Variants in NRG1 observed in about 807,000 individuals in gnomAD.
NRG1 encodes the protein pro-neuregulin-1, membrane-bound isoform.
Under a neutral mutation model 63.8 loss-of-function variants are expected in NRG1, and 18 were observed. The observed-to-expected ratio is 0.28, with a 90% CI of 0.19 to 0.42. NRG1 has a LOEUF of 0.42. Ranked by LOEUF, NRG1 falls within the 10% of genes least tolerant of loss-of-function variation. The probability of loss-of-function intolerance (pLI) is 1.00; values close to 1 mark genes in which losing one functional copy is unlikely to be tolerated. For synonymous variants in NRG1, 302 were observed against 301.3 expected (o/e 1.00, Z -0.02); for missense variants, 762 against 814.7 (o/e 0.94, Z 0.79).
At chr8:31,746,188 C>T (rs536896914) in intron 1 of NRG1, among the ~76,000 whole-genome samples, 8 of 151,886 alleles carry the variant, frequency 5.3e-5, no homozygotes, top group African/African-American at 1.7e-4. Context: ...AAAAACTGCC[C>T]TAGGATAATG....
At chr8:32,634,336 A>G (rs1850920559) in intron 5 of NRG1, among the ~76,000 whole-genome samples, 3 of 152,154 alleles carry the variant, frequency 2.0e-5, no homozygotes, top group Admixed American at 2.0e-4. Context: ...GAAAGAGAGA[A>G]ATCACATTTT....
intron 1 of NRG1, among the ~76,000 whole-genome samples, chr8:31,801,286 G>T (rs953009669): frequency 2.8e-4 from 43 of 152,144 alleles, no homozygotes; most frequent in African/African-American, 9.9e-4. Flanking sequence ...TTTTGTAGAT[G>T]AAATGGTGTT....
At chr8:32,498,639 T>C (rs1020291355) in intron 1 of NRG1, among the ~76,000 whole-genome samples, 1 of 152,208 alleles carries the variant, frequency 6.6e-6, no homozygotes, top group African/African-American at 2.4e-5. Flanking sequence ...ATGGGGATTA[T>C]GGGGACTACA....
At chr8:32,188,496 G>T (rs575534447) in intron 1 of NRG1, among the ~76,000 whole-genome samples, 7 of 152,174 alleles carry the variant, frequency 4.6e-5, no homozygotes, top group African/African-American at 1.7e-4. Flanking sequence ...ATTGCATGGC[G>T]AAGGGGAAGG....
rs191355990 is a variant in NRG1, at chr8:32,267,258, C to A, written c.38-328570C>A. ...CACTGTAATGTAAAATGATGTGTCCCAGACAATGGTCTGTAAACCACATTT... is the reference window on the plus strand; with the variant it reads ...CACTGTAATGTAAAATGATGTGTCCAAGACAATGGTCTGTAAACCACATTT... On this transcript the variant is annotated intron_variant, in intron 1 of 10. Coordinates refer to the NRG1 transcript ENST00000519301. Among the ~76,000 whole-genome samples the A allele has an allele frequency of 2.0e-3, 297 of 152,160 alleles. 5 individuals carry two copies. The highest frequency in any genetic ancestry group is 6.0e-4 in the Non-Finnish European group (41 of 68,004).
chr8:32,344,384 C>T (rs3929312), intron 1 of NRG1, among the ~76,000 whole-genome samples: 13,443 of 69,140 alleles, frequency 0.19, 2,305 homozygotes, highest in East Asian at 0.29. Flanking sequence ...CTTTCTTTCT[C>T]TTTCTTTCTT....
At chr8:32,721,669 T>A (rs1820680597) in intron 5 of NRG1, 1 of 274,080 alleles carries the variant, frequency 3.6e-6, no homozygotes, top group African/African-American at 2.2e-5. Context: ...AAGTACATAT[T>A]TGCTATTCAG....
chr8:31,796,283 T>A (rs928001382), intron 1 of NRG1, among the ~76,000 whole-genome samples: 1 of 152,094 alleles, frequency 6.6e-6, no homozygotes, highest in Non-Finnish European at 1.5e-5. Context: ...TCTGTTTTAC[T>A]CAGGCTATTC....
chr8:32,651,381 T>A (rs1588985217), intron 5 of NRG1, among the ~76,000 whole-genome samples: 2 of 152,298 alleles, frequency 1.3e-5, no homozygotes, highest in East Asian at 3.9e-4. Flanking sequence ...TGATACTAAT[T>A]AAGTTTTTAC....
chr8:31,671,642 A>G (rs1457306468), intron 1 of NRG1, among the ~76,000 whole-genome samples: 1 of 152,194 alleles, frequency 6.6e-6, no homozygotes, highest in African/African-American at 2.4e-5. Flanking sequence ...TTTATAATTA[A>G]TGACTTTTGT....
chr8:31,740,769 T>G (rs1007544335), intron 1 of NRG1, among the ~76,000 whole-genome samples: 1 of 151,864 alleles, frequency 6.6e-6, no homozygotes, highest in African/African-American at 2.4e-5. Flanking sequence ...GGCAGAGGTG[T>G]GGTAAGCAAT....
chr8:32,521,795 G>T (rs1389414312), intron 1 of NRG1, among the ~76,000 whole-genome samples: 2 of 152,116 alleles, frequency 1.3e-5, no homozygotes, highest in African/African-American at 4.8e-5. Flanking sequence ...GCTTGAAATG[G>T]CTTCTTTTAC....
At chr8:32,542,251 G>A (rs528625704) in intron 1 of NRG1, among the ~76,000 whole-genome samples, 2 of 152,278 alleles carry the variant, frequency 1.3e-5, no homozygotes, top group Non-Finnish European at 2.9e-5. Flanking sequence ...GGTATTGAGA[G>A]ATTATACTGA....
chr8:32,037,154 T>C (rs949763187), intron 1 of NRG1, among the ~76,000 whole-genome samples: 1 of 152,226 alleles, frequency 6.6e-6, no homozygotes, highest in Admixed American at 6.5e-5. Flanking sequence ...GTCCTGGCTT[T>C]CTGTTTGTTT....
At chr8:32,762,550 G>T (rs538161291) in intron 11 of NRG1, among the ~76,000 whole-genome samples, 1 of 152,124 alleles carries the variant, frequency 6.6e-6, no homozygotes, top group African/African-American at 2.4e-5. Context: ...TCTCAGGCAC[G>T]TTCCCAGTTT....
At chr8:32,346,094 CTTATAAA>C (rs1294265806) in intron 1 of NRG1, among the ~76,000 whole-genome samples, 2 of 145,394 alleles carry the variant, frequency 1.4e-5, no homozygotes, top group Non-Finnish European at 3.0e-5. Context: ...AATTTATATA[CTTATAAA>C]TTATATAATA....
chr8:32,170,072 A>G (rs1039484689), intron 1 of NRG1, among the ~76,000 whole-genome samples: 1 of 152,218 alleles, frequency 6.6e-6, no homozygotes, highest in Non-Finnish European at 1.5e-5. Context: ...AGGTTACCAG[A>G]AGCTGGAAGA....
At chr8:31,958,919 C>T (rs1464691925) in intron 1 of NRG1, among the ~76,000 whole-genome samples, 4 of 152,164 alleles carry the variant, frequency 2.6e-5, no homozygotes, top group Admixed American at 6.5e-5. Context: ...CAATTAAAAA[C>T]GTCTGTGGGA....
rs180860436 is a variant in NRG1, at chr8:31,658,635, G to A, written c.37+19204G>A. ...GCACCGCCATGCCTGGCTAATTTTT[G>A]TATTTTTTGTAGAGACAGGGTTTCA... On this transcript the variant is annotated intron_variant, in intron 1 of 10. Transcript: ENST00000519301. 1.2e-3 allele frequency among the ~76,000 whole-genome samples: 184 copies of A among 152,246 alleles called. 1 individual carries two copies. The highest frequency in any genetic ancestry group is 4.3e-3 in the African/African-American group (178 of 41,550).
Sources: gnomAD v4.1 joint callset for allele counts (sites outside exome capture counted in the v4.1 genomes callset) on GRCh38, gnomAD v4.1.1 for gene constraint, MANE v1.5 for transcripts, NCBI Gene and HGNC (gene_info 2026-07-23, HGNC 2026-07-21) for gene names.